SPG11: variants seen among roughly 807,000 people sequenced by gnomAD.
The protein encoded by SPG11 is spatacsin.
Under a neutral mutation model 274.0 loss-of-function variants are expected in SPG11, and 222 were observed. The observed-to-expected ratio is 0.81, with a 90% CI of 0.73 to 0.91. SPG11 has a LOEUF of 0.91. Ranked by LOEUF, SPG11 falls within the 40% of genes least tolerant of loss-of-function variation. SPG11 has a pLI of 0.00. For missense variants in SPG11, 3,114 were observed against 2,872.7 expected (o/e 1.08, Z -1.92); for synonymous variants, 1,144 against 1,039.7 (o/e 1.10, Z -1.93).
intron 33 of SPG11, among the ~76,000 whole-genome samples, chr15:44,571,487 A>G (rs1218693409): frequency 7.0e-6 from 1 of 143,720 alleles, no homozygotes; most frequent in Non-Finnish European, 1.5e-5. Flanking sequence ...TTTTATTTAA[A>G]TTTCTTTTCT....
chr15:44,632,540 C>T (rs1279789417), intron 8 of SPG11, among the ~76,000 whole-genome samples: 15 of 148,092 alleles, frequency 1.0e-4, no homozygotes, highest in South Asian at 4.2e-4. Context: ...TTTTGAGAGT[C>T]GTACTTTGCA....
chr15:44,609,736 T>C (rs1216961430), intron 18 of SPG11, among the ~76,000 whole-genome samples: 1 of 136,234 alleles, frequency 7.3e-6, no homozygotes, highest in South Asian at 2.3e-4. Context: ...CCCGCCCAGC[T>C]TTTTTTTTTT....
rs763340583 is a variant in SPG11, at chr15:44,659,129, G to A, written c.617C>T (p.Thr206Met). ...PAQAVDMIID[T>M]QLCRGILFVL... ...AAAAAGAATTCCTCTGCAGAGCTGC[G>A]TGTCAATAATCATGTCCACTGCCTG... The change falls in exon 3 of 40, where the codon ACG (threonine) becomes ATG (methionine). Residue 206 changes from threonine to methionine, a missense_variant. Physicochemically the swap from Thr to Met is moderately conservative, Grantham distance 81. Coordinates refer to ENST00000261866, the MANE Select transcript of SPG11 (RefSeq NM_025137.4). 17 of 1,614,072 alleles carry A rather than the reference G, an allele frequency of 1.1e-5. No homozygotes were observed. The highest frequency in any genetic ancestry group is 5.3e-5 in the African/African-American group (4 of 74,928).
chr15:44,592,274 C>T (rs2082920014), intron 27 of SPG11, 57 bp downstream of exon 27: 1 of 1,051,232 alleles, frequency 9.5e-7, no homozygotes. Context: ...ACAAAAAAGT[C>T]CATGCATGCC....
intron 26 of SPG11, among the ~76,000 whole-genome samples, chr15:44,592,897 GA>G (rs1157616643): frequency 6.6e-6 from 1 of 151,780 alleles, no homozygotes. Flanking sequence ...GAAGTTGAGG[GA>G]GGATCACTTG....
rs61030142 is a variant in SPG11 at position 44,582,761 on chromosome 15, G to GA, written c.5866+1052dup. Among the ~76,000 whole-genome samples the GA allele has an allele frequency of 1.4e-3, 198 of 144,406 alleles. 1 individual carries two copies. Among genetic ancestry groups the GA allele is most frequent in the East Asian group, 4.9e-3 (24 of 4,860 alleles). The allele number at this position is 144,406 out of a possible 152,430, so 94.7% of individuals were successfully genotyped here. A position where few individuals can be genotyped will look rare whatever the true frequency, so the allele number is the denominator to read the frequency against. On this transcript the variant is annotated intron_variant, in intron 30 of 39. Coordinates refer to ENST00000261866, the MANE Select transcript of SPG11 (RefSeq NM_025137.4). Reference sequence around the variant, plus strand: ...TAATCTACTATATTAATAGTCTAACGAAAAAAAAAACCACATGATCAGATT... The same window carrying GA: ...TAATCTACTATATTAATAGTCTAACGAAAAAAAAAAACCACATGATCAGATT...
intron 24 of SPG11, 61 bp downstream of exon 24, chr15:44,596,723 G>A (rs1328756856): frequency 1.3e-5 from 12 of 904,612 alleles, no homozygotes; most frequent in South Asian, 2.6e-5. Flanking sequence ...CAGAAAGAAT[G>A]CTATCTTCTA....
chr15:44,577,322 G>T (rs1025214743), intron 30 of SPG11, among the ~76,000 whole-genome samples: 12 of 151,974 alleles, frequency 7.9e-5, no homozygotes, highest in African/African-American at 2.4e-5. Context: ...GGGCAACACA[G>T]TGAGCCCCCA....
chr15:44,582,289 G>A lies in SPG11; in HGVS notation c.5866+1525C>T, dbSNP rs146597684. On this transcript the variant is annotated intron_variant, in intron 30 of 39. Transcript: ENST00000261866. ...AAGGCCGGGCACGGTGGCTCAAGCC[G>A]GTAATCACAGCACTTTGGGAGACCA... Among the ~76,000 whole-genome samples the A allele has an allele frequency of 6.3e-3, 958 of 152,090 alleles. 10 individuals carry two copies. Among genetic ancestry groups the A allele is most frequent in the African/African-American group, 0.021 (884 of 41,496 alleles).
chr15:44,585,847 G>A lies in SPG11; in HGVS notation c.4910C>T (p.Pro1637Leu). The A allele has an allele frequency of 6.2e-7, 1 of 1,613,632 alleles. No individual in the cohort carries two copies. Among genetic ancestry groups the A allele is most frequent in the East Asian group, 2.2e-5 (1 of 44,878 alleles). Residue 1637 changes from proline to leucine, a missense_variant, in exon 29 of 40, where the codon CCA becomes CTA. By Grantham distance (98) the Pro-to-Leu change is moderately conservative. Coordinates refer to ENST00000261866, the MANE Select transcript of SPG11 (RefSeq NM_025137.4). ...AAGGATGCAAAGCTTTTTCACATCTGGACCTGTGCCAAAGAGAAAAGGATA... is the reference window on the plus strand; with the variant it reads ...AAGGATGCAAAGCTTTTTCACATCTAGACCTGTGCCAAAGAGAAAAGGATA... ...VEREHLFSDG[P>L]DVKKLCILCQ...
In SPG11 at chr15:44,663,588, C is replaced by G. The variant is rs544136842; in HGVS notation, c.60G>C (p.Ala20=). 165 of 1,596,660 alleles carry G rather than the reference C, an allele frequency of 1.0e-4. 1 individual carries two copies. Among genetic ancestry groups the G allele is most frequent in the Middle Eastern group, 9.9e-4 (6 of 6,040 alleles). ...GCATCGGTAGAACCCGCCCCATGGCCGCGGTGCCCCAGCTACCGCCGGCGG... is the reference window on the plus strand; with the variant it reads ...GCATCGGTAGAACCCGCCCCATGGCGGCGGTGCCCCAGCTACCGCCGGCGG... ...AASAGGSWGT[A]AMGRVLPMLL... Residue 20 remains alanine (A), a synonymous_variant, in exon 1 of 40, where the codon GCG becomes GCC. Coordinates refer to ENST00000261866, the MANE Select transcript of SPG11 (RefSeq NM_025137.4).
chr15:44,567,295 G>A (rs941667608), intron 36 of SPG11, 129 bp downstream of exon 36: 5 of 952,596 alleles, frequency 5.2e-6, no homozygotes, highest in Middle Eastern at 2.7e-4. Context: ...AGGTTGCAGG[G>A]AGCTGAGATC....
chr15:44,662,151 A>T (rs2085128757), intron 1 of SPG11, among the ~76,000 whole-genome samples: 1 of 152,210 alleles, frequency 6.6e-6, no homozygotes, highest in Non-Finnish European at 1.5e-5. Context: ...TAAATAACTT[A>T]GTTTATAATA....
intron 6 of SPG11, among the ~76,000 whole-genome samples, chr15:44,649,702 G>A (rs978757274): frequency 1.3e-5 from 2 of 152,020 alleles, no homozygotes; most frequent in Non-Finnish European, 2.9e-5. Flanking sequence ...GACCAGCCTG[G>A]CCAACATGAT....
intron 4 of SPG11, 120 bp downstream of exon 4, chr15:44,656,975 A>G: frequency 1.2e-6 from 1 of 826,678 alleles, no homozygotes; most frequent in Non-Finnish European, 1.9e-6. Flanking sequence ...TAGCTAGAAC[A>G]TGATCTAACT....
At chr15:44,619,352 G>A (rs1339778902) in intron 15 of SPG11, among the ~76,000 whole-genome samples, 3 of 152,162 alleles carry the variant, frequency 2.0e-5, no homozygotes, top group Non-Finnish European at 2.9e-5. Flanking sequence ...AAATGGAGCC[G>A]AATGAAATGG....
chr15:44,642,016 T>G (rs763117932), intron 7 of SPG11, among the ~76,000 whole-genome samples: 3 of 150,082 alleles, frequency 2.0e-5, no homozygotes, highest in Admixed American at 1.3e-4. Flanking sequence ...CTGAATGAAC[T>G]ATAGTTATAT....
intron 14 of SPG11, chr15:44,621,488 GA>G (rs1319345937): frequency 4.7e-6 from 2 of 423,312 alleles, no homozygotes; most frequent in Admixed American, 7.3e-5. Flanking sequence ...AAGACTATTT[GA>G]AAAAACAGAT....
chr15:44,615,406 G>A lies in SPG11; in HGVS notation c.2995C>T (p.His999Tyr), dbSNP rs773527133. The A allele has an allele frequency of 6.2e-7, 1 of 1,613,930 alleles. No homozygotes were observed. The highest frequency in any genetic ancestry group is 1.3e-5 in the African/African-American group (1 of 74,928). ...HSQFILYCLE[H>Y]SLQHLLYVYL... The stretch of plus-strand genomic sequence containing the variant: ...ACATAAAGAAGATGCTGCAGACTGT[G>A]CTCCAAACAATAGAGAATGAATTGA... The change falls in exon 16 of 40, where the codon CAC becomes TAC. Residue 999 changes from histidine to tyrosine, a missense_variant. His to Tyr is a moderately conservative substitution (Grantham distance 83). Coordinates refer to ENST00000261866, the MANE Select transcript of SPG11 (RefSeq NM_025137.4).
Sources: allele counts gnomAD v4.1 joint callset (sites outside exome capture counted in the v4.1 genomes callset), GRCh38; gene constraint gnomAD v4.1.1; transcripts MANE v1.5; gene names NCBI Gene and HGNC (gene_info 2026-07-23, HGNC 2026-07-21).